PCSK6: variants seen among roughly 807,000 people sequenced by gnomAD.
PCSK6 encodes the protein paired basic amino acid cleaving enzyme 4.
PCSK6 carries 85 observed loss-of-function variants against 123.3 expected under a neutral mutation model. That is an observed-to-expected ratio of 0.69 (90% CI 0.58 to 0.83). The LOEUF (loss-of-function observed/expected upper bound fraction) is 0.83, where lower values mean the gene tolerates loss of function less well. Among genes scored for constraint, PCSK6 ranks in the 40% least tolerant of loss-of-function variants. The pLI, the probability that PCSK6 is intolerant of heterozygous loss-of-function variation, is 0.00. For missense variants in PCSK6, 1,191 were observed against 1,282.3 expected (o/e 0.93, Z 1.09); for synonymous variants, 508 against 516.0 (o/e 0.98, Z 0.21).
At chr15:101,323,999 G>A (rs2040192346) in intron 17 of PCSK6, among the ~76,000 whole-genome samples, 1 of 152,192 alleles carries the variant, frequency 6.6e-6, no homozygotes, top group African/African-American at 2.4e-5. Context: ...CCCAGGGCGA[G>A]GCGAATTACG....
intron 1 of PCSK6, among the ~76,000 whole-genome samples, chr15:101,479,025 C>T (rs7177024): frequency 0.081 from 12,265 of 152,230 alleles, 494 homozygotes; most frequent in East Asian, 0.12. Flanking sequence ...CTTCTCAGTG[C>T]CAGGAACTGC....
chr15:101,438,976 C>A (rs941536478), intron 2 of PCSK6, among the ~76,000 whole-genome samples: 1 of 152,170 alleles, frequency 6.6e-6, no homozygotes, highest in African/African-American at 2.4e-5. Context: ...GAAAGTCACC[C>A]GAGGAGGATC....
chr15:101,342,873 G>A (rs1369325497), intron 13 of PCSK6, among the ~76,000 whole-genome samples: 1 of 151,352 alleles, frequency 6.6e-6, no homozygotes, highest in East Asian at 1.9e-4. Flanking sequence ...CTGCACTCCA[G>A]CCTGGGCAAC....
intron 1 of PCSK6, among the ~76,000 whole-genome samples, chr15:101,481,991 C>T (rs1011985632): frequency 4.6e-5 from 7 of 152,170 alleles, no homozygotes; most frequent in Admixed American, 6.5e-5. Context: ...AGTCTGTGCG[C>T]GTTCACGCAC....
chr15:101,463,480 T>C (rs994496582), intron 1 of PCSK6, among the ~76,000 whole-genome samples: 3 of 152,242 alleles, frequency 2.0e-5, no homozygotes, highest in Non-Finnish European at 4.4e-5. Context: ...CGCCCATGCC[T>C]TGGGAACCGG....
At chr15:101,446,082 C>G (rs993097017) in intron 1 of PCSK6, among the ~76,000 whole-genome samples, 11 of 152,264 alleles carry the variant, frequency 7.2e-5, no homozygotes, top group African/African-American at 2.7e-4. Flanking sequence ...CCAGGCCAAC[C>G]ACCTCTGGAG....
intron 13 of PCSK6, among the ~76,000 whole-genome samples, chr15:101,355,932 G>T (rs530902049): frequency 6.6e-6 from 1 of 152,300 alleles, no homozygotes; most frequent in Non-Finnish European, 1.5e-5. Context: ...CTTGGTCTGG[G>T]TCTCACTTCT....
intron 19 of PCSK6, chr15:101,313,776 G>A: frequency 2.5e-6 from 1 of 400,994 alleles, no homozygotes; most frequent in Non-Finnish European, 4.5e-6. Flanking sequence ...CCACGATGAT[G>A]GGCCCTGTTT....
chr15:101,315,067 G>T (rs1460601267), intron 19 of PCSK6, among the ~76,000 whole-genome samples: 1 of 152,184 alleles, frequency 6.6e-6, no homozygotes, highest in Non-Finnish European at 1.5e-5. Flanking sequence ...CCTTCCTCCA[G>T]CACCAGGGTC....
intron 9 of PCSK6, among the ~76,000 whole-genome samples, chr15:101,388,955 A>C (rs1188292478): frequency 6.6e-6 from 1 of 152,212 alleles, no homozygotes; most frequent in Non-Finnish European, 1.5e-5. Context: ...GTATTCATCG[A>C]AGTCTTAGGC....
intron 11 of PCSK6, among the ~76,000 whole-genome samples, chr15:101,376,176 T>C (rs2041735865): frequency 6.6e-6 from 1 of 152,192 alleles, no homozygotes; most frequent in Non-Finnish European, 1.5e-5. Context: ...CACTGGAGCC[T>C]TGACCTCCTG....
At chr15:101,382,345 G>T in intron 10 of PCSK6, 136 bp from the exon 11 acceptor site, 1 of 647,672 alleles carries the variant, frequency 1.5e-6, no homozygotes, top group Non-Finnish European at 2.7e-6. Context: ...GCCCCAGGCT[G>T]CAGGACGGGT....
intron 1 of PCSK6, among the ~76,000 whole-genome samples, chr15:101,470,764 G>C (rs1461773383): frequency 2.0e-5 from 3 of 152,146 alleles, no homozygotes; most frequent in African/African-American, 7.2e-5. Context: ...TGTCTTTGCT[G>C]CATTTGCCCT....
intron 1 of PCSK6, among the ~76,000 whole-genome samples, chr15:101,447,482 C>T (rs2141164667): frequency 6.6e-6 from 1 of 152,222 alleles, no homozygotes; most frequent in Admixed American, 6.5e-5. Context: ...AACCAGCAGC[C>T]TCCCCATTCT....
intron 8 of PCSK6, among the ~76,000 whole-genome samples, chr15:101,391,412 C>T (rs750557053): frequency 2.0e-5 from 3 of 152,276 alleles, no homozygotes; most frequent in Non-Finnish European, 2.9e-5. Context: ...TCCTGGGGAG[C>T]GAGCAGAGGG....
intron 13 of PCSK6, among the ~76,000 whole-genome samples, chr15:101,363,716 G>A (rs1440262819): frequency 1.3e-5 from 2 of 151,352 alleles, no homozygotes; most frequent in African/African-American, 2.4e-5. Flanking sequence ...TGTAAGCTCC[G>A]CCTCCCGGGT....
intron 2 of PCSK6, among the ~76,000 whole-genome samples, chr15:101,439,788 C>T (rs144022802): frequency 1.3e-5 from 2 of 152,362 alleles, no homozygotes; most frequent in African/African-American, 4.8e-5. Context: ...AGAATGCCTC[C>T]TCTGGTCCTT....
chr15:101,347,832 G>A (rs1165106865), intron 13 of PCSK6: 5 of 1,414,730 alleles, frequency 3.5e-6, no homozygotes, highest in Non-Finnish European at 5.0e-6. Flanking sequence ...ATTGGGAGGT[G>A]CAATCCCAGG....
intron 1 of PCSK6, among the ~76,000 whole-genome samples, chr15:101,455,456 G>A (rs1251586676): frequency 6.6e-6 from 1 of 152,250 alleles, no homozygotes; most frequent in African/African-American, 2.4e-5. Context: ...GGGACGGCCA[G>A]AGTCACCTGA....
Sources: gnomAD v4.1 joint callset for allele counts (sites outside exome capture counted in the v4.1 genomes callset) on GRCh38, gnomAD v4.1.1 for gene constraint, MANE v1.5 for transcripts, NCBI Gene and HGNC (gene_info 2026-07-23, HGNC 2026-07-21) for gene names.